The following GSAP variants were observed in gnomAD, a reference collection of about 807,000 sequenced individuals.
The protein encoded by GSAP is gamma-secretase-activating protein.
A neutral mutation model predicts 131.7 loss-of-function variants in GSAP; 118 were observed. The ratio of observed to expected loss-of-function variants is 0.90; its 90% CI spans 0.77 to 1.04. The LOEUF (loss-of-function observed/expected upper bound fraction) is 1.04, where lower values mean the gene tolerates loss of function less well. Ranked by LOEUF, GSAP falls within the 50% of genes least tolerant of loss-of-function variation. GSAP has a pLI of 0.00. For synonymous variants in GSAP, 381 were observed against 363.4 expected (o/e 1.05, Z -0.55); for missense variants, 1,019 against 1,013.2 (o/e 1.01, Z -0.08).
In GSAP at chr7:77,354,001, C is replaced by T. The variant is rs560510693; in HGVS notation, c.1339-360G>A. On this transcript the variant is annotated intron_variant, in intron 16 of 30. Coordinates refer to ENST00000257626, the MANE Select transcript of GSAP (RefSeq NM_017439.4). Reference sequence around the variant, plus strand: ...AAAACAAAACCACTAGGCTTGAGGGCAGCAGAGCTGGGTGTGAATTCCAGC... The same window carrying T: ...AAAACAAAACCACTAGGCTTGAGGGTAGCAGAGCTGGGTGTGAATTCCAGC... Among the ~76,000 whole-genome samples the T allele has an allele frequency of 2.0e-5, 3 of 152,260 alleles. No individual in the cohort carries two copies. The East Asian group carries it at 5.8e-4, about 29-fold the overall frequency.
At chr7:77,365,907 T>G (rs995466095) in intron 12 of GSAP, among the ~76,000 whole-genome samples, 10 of 149,098 alleles carry the variant, frequency 6.7e-5, no homozygotes, top group Middle Eastern at 3.2e-3. Flanking sequence ...GGTTTTTTTT[T>G]TTTTTTTTTT....
At chr7:77,373,681 G>C (rs1360062982) in intron 12 of GSAP, among the ~76,000 whole-genome samples, 2 of 152,178 alleles carry the variant, frequency 1.3e-5, no homozygotes, top group South Asian at 4.1e-4. Context: ...CTGCAGCATG[G>C]CTCTTAAAGC....
intron 12 of GSAP, among the ~76,000 whole-genome samples, chr7:77,367,033 G>C (rs1795423501): frequency 2.0e-5 from 3 of 152,184 alleles, no homozygotes; most frequent in Admixed American, 1.3e-4. Flanking sequence ...CTTTGCTCTT[G>C]TTGGTGTAAA....
At chr7:77,400,284 G>A (rs1382016841) in intron 3 of GSAP, among the ~76,000 whole-genome samples, 1 of 151,844 alleles carries the variant, frequency 6.6e-6, no homozygotes, top group Non-Finnish European at 1.5e-5. Flanking sequence ...GTGGATCCTG[G>A]ACTCCCACCC....
intron 5 of GSAP, among the ~76,000 whole-genome samples, chr7:77,391,178 C>CTT (rs58633837): frequency 0.011 from 1,480 of 137,662 alleles, 4 homozygotes; most frequent in Non-Finnish European, 0.017. Flanking sequence ...ATATATTTGG[C>CTT]TTTTTTTTTT....
intron 12 of GSAP, among the ~76,000 whole-genome samples, chr7:77,370,656 T>C (rs1795981717): frequency 6.6e-6 from 1 of 152,186 alleles, no homozygotes; most frequent in African/African-American, 2.4e-5. Flanking sequence ...GTCTGTACTG[T>C]CTTAAAATAT....
At chr7:77,352,414 C>G (rs934626736) in intron 18 of GSAP, among the ~76,000 whole-genome samples, 3 of 152,190 alleles carry the variant, frequency 2.0e-5, no homozygotes, top group Non-Finnish European at 4.4e-5. Flanking sequence ...AGTGTTTTAG[C>G]TCAGCACATC....
At chr7:77,385,578 G>C (rs541761133) in intron 6 of GSAP, among the ~76,000 whole-genome samples, 4 of 152,300 alleles carry the variant, frequency 2.6e-5, no homozygotes, top group Admixed American at 6.5e-5. Context: ...GAAAAGAGAA[G>C]TGTGCTCTGT....
intron 12 of GSAP, among the ~76,000 whole-genome samples, chr7:77,364,185 G>C (rs1488353675): frequency 2.6e-5 from 4 of 152,038 alleles, no homozygotes; most frequent in African/African-American, 9.7e-5. Context: ...TCAAATAGTA[G>C]TGAATGAGTC....
At chr7:77,403,345 G>A (rs1258894898) in intron 3 of GSAP, among the ~76,000 whole-genome samples, 3 of 152,190 alleles carry the variant, frequency 2.0e-5, no homozygotes, top group African/African-American at 7.2e-5. Context: ...GGTGAAAGGG[G>A]TGGAAGAAGG....
chr7:77,369,088 G>A (rs928256877), intron 12 of GSAP, among the ~76,000 whole-genome samples: 14 of 152,174 alleles, frequency 9.2e-5, no homozygotes, highest in African/African-American at 3.4e-4. Flanking sequence ...TAAAACATAG[G>A]CCTAATCGGG....
chr7:77,366,532 G>A (rs1795346707), intron 12 of GSAP, among the ~76,000 whole-genome samples: 1 of 152,136 alleles, frequency 6.6e-6, no homozygotes, highest in African/African-American at 2.4e-5. Flanking sequence ...CTGAAGATCA[G>A]GTAGTCATAG....
intron 5 of GSAP, among the ~76,000 whole-genome samples, chr7:77,392,006 C>T (rs1799624198): frequency 1.3e-5 from 2 of 151,982 alleles, no homozygotes; most frequent in African/African-American, 4.8e-5. Context: ...GGGTGGATCA[C>T]CTGAGGTCAG....
chr7:77,360,963 C>A, intron 13 of GSAP, 62 bp from the exon 14 acceptor site: 1 of 910,974 alleles, frequency 1.1e-6, no homozygotes. Flanking sequence ...CCACCCAAGG[C>A]AGTGACTATG....
In GSAP at chr7:77,390,643, T is replaced by C. The variant is rs914567520; in HGVS notation, c.368-3195A>G. Among the ~76,000 whole-genome samples, 16 of 152,182 alleles carry C rather than the reference T, an allele frequency of 1.1e-4. No homozygotes were observed. The East Asian group carries it at 3.1e-3, about 29-fold the overall frequency. The stretch of plus-strand genomic sequence containing the variant: ...GGCTCTGTTCTGTTCCATTGGTATA[T>C]ACCTAAGCTAAATGACGAGTTAATG... On this transcript the variant is annotated intron_variant, in intron 5 of 30. Transcript: ENST00000257626.
chr7:77,385,255 A>T (rs570635158), intron 6 of GSAP, among the ~76,000 whole-genome samples: 63 of 152,174 alleles, frequency 4.1e-4, no homozygotes, highest in African/African-American at 1.4e-3. Flanking sequence ...GCTGGTCTCA[A>T]ACTCCTGAGC....
intron 3 of GSAP, among the ~76,000 whole-genome samples, chr7:77,398,211 G>GT (rs1800754180): frequency 6.6e-6 from 1 of 152,106 alleles, no homozygotes; most frequent in South Asian, 2.1e-4. Flanking sequence ...AGTAAATAGT[G>GT]TAAGTATTAA....
At chr7:77,352,417 A>C (rs1199283421) in intron 18 of GSAP, among the ~76,000 whole-genome samples, 1 of 152,224 alleles carries the variant, frequency 6.6e-6, no homozygotes, top group Non-Finnish European at 1.5e-5. Context: ...GTTTTAGCTC[A>C]GCACATCCTA....
chr7:77,382,584 T>C lies in GSAP; in HGVS notation c.516A>G (p.Ser172=). ...PLPENHLLLI[S]EEKYIEQFRI... is the part of the protein sequence containing the mutation. The stretch of plus-strand genomic sequence containing the variant: ...TAAAGATACACTTACATTTCTCTTC[T>C]GAAATCAGTAACAGATGGTTCTCTG... Residue 172 remains serine, a synonymous_variant, in exon 7 of 31, where the codon TCA becomes TCG. Transcript: ENST00000257626. 1 of 1,543,636 alleles carries C rather than the reference T, an allele frequency of 6.5e-7. No individual in the cohort carries two copies. Among genetic ancestry groups the C allele is most frequent in the Non-Finnish European group, 9.0e-7 (1 of 1,115,932 alleles).
Sources: allele counts gnomAD v4.1 joint callset (sites outside exome capture counted in the v4.1 genomes callset), GRCh38; gene constraint gnomAD v4.1.1; transcripts MANE v1.5; gene names NCBI Gene and HGNC (gene_info 2026-07-23, HGNC 2026-07-21).